HDAC9: variants seen among roughly 807,000 people sequenced by gnomAD.
HDAC9 encodes histone deacetylase 9.
In HDAC9, 41 loss-of-function variants were observed where a neutral mutation model predicts 139.4. The observed-to-expected ratio is 0.29, with a 90% confidence interval of 0.23 to 0.38. HDAC9 has a LOEUF of 0.38. HDAC9 is among the 10% of genes least tolerant of loss of function. The pLI, the probability that HDAC9 is intolerant of heterozygous loss-of-function variation, is 1.00. For synonymous variants in HDAC9, 517 were observed against 476.2 expected (o/e 1.09, Z -1.12); for missense variants, 1,147 against 1,297.0 (o/e 0.88, Z 1.78).
At chr7:18,438,224 A>G (rs933216960) in intron 1 of HDAC9, among the ~76,000 whole-genome samples, 2 of 152,120 alleles carry the variant, frequency 1.3e-5, no homozygotes, top group Non-Finnish European at 2.9e-5. Flanking sequence ...GCCAATAAAC[A>G]TATGACATAT....
At chr7:18,154,390 G>T (rs998012599) in intron 1 of HDAC9, among the ~76,000 whole-genome samples, 8 of 152,206 alleles carry the variant, frequency 5.3e-5, no homozygotes, top group Admixed American at 4.6e-4. Flanking sequence ...TAGTTGTGCT[G>T]CAGGACTCTG....
At chr7:18,162,334 T>G in exon 2 of HDAC9, 1 of 1,535,346 alleles carries the variant, frequency 6.5e-7, no homozygotes, top group Non-Finnish European at 8.7e-7. Context: ...CATGATGAGC[T>G]CACCTGCACA....
intron 8 of HDAC9, among the ~76,000 whole-genome samples, chr7:18,644,134 A>G (rs1228075348): frequency 6.6e-6 from 1 of 152,164 alleles, no homozygotes; most frequent in African/African-American, 2.4e-5. Flanking sequence ...TGATCTAAAA[A>G]TACACCACAC....
intron 21 of HDAC9, among the ~76,000 whole-genome samples, chr7:18,856,388 A>G (rs2249817): frequency 0.57 from 86,045 of 151,944 alleles, 26,046 homozygotes; most frequent in African/African-American, 0.79. Context: ...CTATTTTGCT[A>G]TTTTGGTCAC....
chr7:18,537,911 C>G (rs1309279670), intron 2 of HDAC9, among the ~76,000 whole-genome samples: 1 of 152,192 alleles, frequency 6.6e-6, no homozygotes, highest in Non-Finnish European at 1.5e-5. Flanking sequence ...TTCCTAAGGC[C>G]TCAGTTGATG....
At chr7:18,561,566 A>C (rs1313989166) in intron 2 of HDAC9, among the ~76,000 whole-genome samples, 1 of 152,130 alleles carries the variant, frequency 6.6e-6, no homozygotes, top group African/African-American at 2.4e-5. Flanking sequence ...TTTAAAAGAA[A>C]CCCCAGACCC....
At chr7:18,382,416 A>G (rs1785522584) in intron 1 of HDAC9, among the ~76,000 whole-genome samples, 1 of 152,248 alleles carries the variant, frequency 6.6e-6, no homozygotes, top group South Asian at 2.1e-4. Flanking sequence ...AGAAATATGA[A>G]GGGAATATTG....
At chr7:18,801,960 G>A (rs1437252507) in intron 17 of HDAC9, among the ~76,000 whole-genome samples, 1 of 151,616 alleles carries the variant, frequency 6.6e-6, no homozygotes, top group Non-Finnish European at 1.5e-5. Flanking sequence ...TCTTTTTCTT[G>A]ATCAACTCTG....
chr7:18,930,636 T>C (rs1421992665), intron 22 of HDAC9, among the ~76,000 whole-genome samples: 1 of 152,048 alleles, frequency 6.6e-6, no homozygotes, highest in Non-Finnish European at 1.5e-5. Context: ...AAATACTGAA[T>C]TGCTTATTTT....
chr7:18,892,671 C>T (rs969507581), intron 22 of HDAC9: 1 of 152,024 alleles, frequency 6.6e-6, no homozygotes, highest in Non-Finnish European at 1.5e-5. Context: ...AAATTTGGTT[C>T]CTCGTGTATC....
At chr7:18,234,064 C>A (rs995842376) in intron 2 of HDAC9, among the ~76,000 whole-genome samples, 1 of 152,146 alleles carries the variant, frequency 6.6e-6, no homozygotes, top group Non-Finnish European at 1.5e-5. Flanking sequence ...GTTGGTTCTT[C>A]AGTTTGCCTA....
In HDAC9 at chr7:18,667,205, ACTGT is replaced by A. The variant is rs983919570; in HGVS notation, c.1731+732_1731+735del. The A allele has an allele frequency of 3.5e-5, 34 of 985,218 alleles. No homozygotes were observed. In the African/African-American group the frequency reaches 5.9e-4, roughly 17 times the overall value. 61.0% of individuals were successfully genotyped at this position (985,218 alleles called of 1,614,324 possible). On this transcript the variant is annotated intron_variant, in intron 12 of 25. Transcript: ENST00000686413. ...CTTTTATTTTGTGTAATTTGATGAC[ACTGT>A]CTATCAAAAAAGAGCAAATGAAGCA...
In HDAC9 at chr7:18,416,096, C is replaced by A. The variant is rs757193453; in HGVS notation, c.-41-80166C>A. On this transcript the variant is annotated intron_variant, in intron 1 of 3. Transcript: ENST00000413509. Reference sequence around the variant, plus strand: ...ATCACCTGAGGTCAGGAGTTTGAGACCAGCCTGACCATCATCATGGTGAAA... The same window carrying A: ...ATCACCTGAGGTCAGGAGTTTGAGAACAGCCTGACCATCATCATGGTGAAA... Among the ~76,000 whole-genome samples, 4 of 152,202 alleles carry A rather than the reference C, an allele frequency of 2.6e-5. No homozygotes were observed. In the South Asian group the frequency reaches 8.3e-4, roughly 32 times the overall value.
intron 2 of HDAC9, among the ~76,000 whole-genome samples, chr7:18,255,909 G>A (rs1795210213): frequency 6.6e-6 from 1 of 152,004 alleles, no homozygotes; most frequent in Admixed American, 6.6e-5. Flanking sequence ...TTATAGGTGT[G>A]AGCCACCATG....
chr7:18,568,451 G>A (rs930478008), intron 2 of HDAC9, among the ~76,000 whole-genome samples: 3 of 152,182 alleles, frequency 2.0e-5, no homozygotes, highest in East Asian at 1.9e-4. Context: ...CCATCCAAAA[G>A]TCATAGCTAG....
At chr7:18,904,838 GT>G (rs1802074571) in intron 22 of HDAC9, among the ~76,000 whole-genome samples, 1 of 151,984 alleles carries the variant, frequency 6.6e-6, no homozygotes, top group African/African-American at 2.4e-5. Context: ...GCCTCCCAAA[GT>G]GCTGGGATTA....
intron 1 of HDAC9, among the ~76,000 whole-genome samples, chr7:18,333,702 C>T (rs901514611): frequency 3.3e-5 from 5 of 151,256 alleles, no homozygotes; most frequent in African/African-American, 1.2e-4. Flanking sequence ...ACAAAAAACC[C>T]CAGCAAATCA....
At chr7:18,118,142 C>T (rs1784129731) in intron 1 of HDAC9, among the ~76,000 whole-genome samples, 1 of 152,176 alleles carries the variant, frequency 6.6e-6, no homozygotes, top group Non-Finnish European at 1.5e-5. Flanking sequence ...CTTTCATTTA[C>T]TCCTCACCAG....
intron 12 of HDAC9, among the ~76,000 whole-genome samples, chr7:18,684,369 G>T (rs1158348903): frequency 6.6e-6 from 1 of 151,844 alleles, no homozygotes; most frequent in African/African-American, 2.4e-5. Context: ...GCCAGGTGCA[G>T]TGGCTCACAC....
Sources: allele counts gnomAD v4.1 joint callset (sites outside exome capture counted in the v4.1 genomes callset), GRCh38; gene constraint gnomAD v4.1.1; transcripts MANE v1.5; gene names NCBI Gene and HGNC (gene_info 2026-07-23, HGNC 2026-07-21).